Variants in VCAN observed in about 807,000 individuals in gnomAD.
VCAN encodes versican core protein.
VCAN carries 44 observed loss-of-function variants against 245.5 expected under a neutral mutation model. The observed-to-expected ratio is 0.18, with a 90% CI of 0.14 to 0.23. The LOEUF (loss-of-function observed/expected upper bound fraction) is 0.23, where lower values mean the gene tolerates loss of function less well. Among genes scored for constraint, VCAN ranks in the 10% least tolerant of loss-of-function variants. The pLI, the probability that VCAN is intolerant of heterozygous loss-of-function variation, is 1.00. For missense variants in VCAN, 3,793 were observed against 4,057.9 expected (o/e 0.93, Z 1.77); for synonymous variants, 1,413 against 1,437.0 (o/e 0.98, Z 0.38).
At chr5:83,536,882 CTTA>C in intron 7 of VCAN, 122 bp from the exon 8 acceptor site, 1 of 771,088 alleles carries the variant, frequency 1.3e-6, no homozygotes, top group Non-Finnish European at 2.0e-6. Flanking sequence ...GGTGATTGCA[CTTA>C]TTATGAAAAG....
chr5:83,561,379 A>C (rs937326633), intron 12 of VCAN, among the ~76,000 whole-genome samples: 1 of 152,174 alleles, frequency 6.6e-6, no homozygotes, highest in Non-Finnish European at 1.5e-5. Context: ...CTAAAAAAAA[A>C]ACTAATTGAT....
intron 6 of VCAN, chr5:83,512,676 T>C (rs1745705807): frequency 6.3e-6 from 2 of 316,166 alleles, no homozygotes; most frequent in Admixed American, 9.2e-5. Context: ...TTTTTCTAAG[T>C]ATTTTATATT....
In VCAN at chr5:83,538,207, C is replaced by G. The variant is rs867077629; in HGVS notation, c.5204C>G (p.Ala1735Gly). The stretch of plus-strand genomic sequence containing the variant: ...GAGGAGGAGGGAACTACAGGTACGG[C>G]TTCTACATTTGAGGTATATTCATCT... ...RKEEEGTTGT[A>G]STFEVYSSTQ... is the part of the protein sequence containing the mutation. The change falls in exon 8 of 15, where the codon GCT becomes GGT. Residue 1735 changes from alanine (A) to glycine (G), a missense_variant. This residue lies in a region of VCAN where 3,182 missense variants were observed against 3,250.3 expected (regional missense o/e 0.98). Transcript: ENST00000265077. The G allele has an allele frequency of 4.4e-5, 71 of 1,613,362 alleles. No individual in the cohort carries two copies. In the Middle Eastern group the frequency reaches 4.1e-3, roughly 93 times the overall value.
intron 5 of VCAN, among the ~76,000 whole-genome samples, chr5:83,501,011 T>A (rs1016435136): frequency 2.0e-5 from 3 of 152,148 alleles, no homozygotes; most frequent in Non-Finnish European, 4.4e-5. Flanking sequence ...TCTTAATGAG[T>A]GTAAAGTAGT....
intron 6 of VCAN, among the ~76,000 whole-genome samples, 188 bp from the exon 7 acceptor site, chr5:83,519,161 A>G (rs1182364090): frequency 6.6e-6 from 1 of 152,220 alleles, no homozygotes; most frequent in Admixed American, 6.5e-5. Context: ...ATTTATGACT[A>G]TTAAGTGTTC....
intron 7 of VCAN, 101 bp downstream of exon 7, chr5:83,522,410 G>C: frequency 8.1e-7 from 1 of 1,239,038 alleles, no homozygotes; most frequent in East Asian, 2.4e-5. Context: ...GCTGCTATTA[G>C]AAGATAACTG....
At chr5:83,565,023 G>T (rs552097693) in intron 12 of VCAN, among the ~76,000 whole-genome samples, 12 of 152,282 alleles carry the variant, frequency 7.9e-5, no homozygotes, top group Admixed American at 6.5e-4. Flanking sequence ...TAGATAGAGA[G>T]AGAGAGTTGG....
At position 83,540,045 on chromosome 5, in the gene VCAN, C is replaced by G; in HGVS notation, c.7042C>G (p.Pro2348Ala). ...DTGAEGPTVA[P>A]LPFSTDIGHP... ...TGGAGCAGAAGGACCCACGGTGGCA[C>G]CTCTCCCTTTCTCCACGGACATCGG... is the stretch of plus-strand genomic sequence containing the variant. The change falls in exon 8 of 15, where the codon CCT becomes GCT. Residue 2348 changes from proline (P) to alanine (A), a missense_variant. By Grantham distance (27) the Pro-to-Ala change is conservative (BLOSUM62 -1). This residue lies in a region of VCAN where 3,182 missense variants were observed against 3,250.3 expected (regional missense o/e 0.98). Transcript: ENST00000265077. 6.2e-7 allele frequency: 1 copy of G among 1,614,014 alleles called. No individual in the cohort carries two copies. Among genetic ancestry groups the G allele is most frequent in the Non-Finnish European group, 8.5e-7 (1 of 1,179,982 alleles).
intron 2 of VCAN, among the ~76,000 whole-genome samples, chr5:83,487,979 G>T (rs969869129): frequency 1.3e-5 from 2 of 152,118 alleles, no homozygotes; most frequent in Non-Finnish European, 2.9e-5. Flanking sequence ...ATTCATACCA[G>T]AATTAAAGTT....
At chr5:83,474,422 C>CT (rs1383675639) in intron 1 of VCAN, among the ~76,000 whole-genome samples, 1 of 152,202 alleles carries the variant, frequency 6.6e-6, no homozygotes, top group Admixed American at 6.5e-5. Flanking sequence ...ACAAATGTGA[C>CT]TGCAGAGGCG....
intron 8 of VCAN, among the ~76,000 whole-genome samples, chr5:83,544,137 A>G (rs1206018006): frequency 2.0e-5 from 3 of 152,248 alleles, no homozygotes; most frequent in African/African-American, 4.8e-5. Flanking sequence ...GCATGTGGCT[A>G]TGGCGTGTGT....
chr5:83,495,162 C>G (rs1745117525), intron 5 of VCAN, among the ~76,000 whole-genome samples: 1 of 152,054 alleles, frequency 6.6e-6, no homozygotes, highest in African/African-American at 2.4e-5. Flanking sequence ...TCTGAATTTT[C>G]TTATGTTTAA....
At position 83,538,356 on chromosome 5, in the gene VCAN, G is replaced by A. The variant is rs1746813100; in HGVS notation, c.5353G>A (p.Glu1785Lys). ...SLTTPTQSER[E>K]MTDSTPVFTE... Reference sequence around the variant, plus strand: ...GACAACACCAACACAGTCTGAAAGGGAAATGACAGATTCTACTCCTGTCTT... The same window carrying A: ...GACAACACCAACACAGTCTGAAAGGAAAATGACAGATTCTACTCCTGTCTT... The change falls in exon 8 of 15, where the codon GAA becomes AAA. Residue 1785 changes from glutamate to lysine, a missense_variant. Glu to Lys is a moderately conservative substitution (Grantham distance 56). Coordinates refer to ENST00000265077, the MANE Select transcript of VCAN (RefSeq NM_004385.5). 6.2e-7 allele frequency: 1 copy of A among 1,613,866 alleles called. No homozygotes were observed. Among genetic ancestry groups the A allele is most frequent in the African/African-American group, 1.3e-5 (1 of 74,884 alleles).
In VCAN at chr5:83,512,297, T is replaced by G. The variant is rs771182234; in HGVS notation, c.943T>G (p.Cys315Gly). The change falls in exon 6 of 15, where the codon TGT (cysteine) becomes GGT (glycine). Residue 315 changes from cysteine (C) to glycine (G), a missense_variant. This residue lies in a region of VCAN where 190 missense variants were observed against 288.6 expected (regional missense o/e 0.66). Coordinates refer to ENST00000265077, the MANE Select transcript of VCAN (RefSeq NM_004385.5). ...RHPVTVARAQ[C>G]GGGLLGVRTL... The stretch of plus-strand genomic sequence containing the variant: ...CCCTGTGACTGTGGCCAGGGCCCAG[T>G]GTGGAGGTGGTCTACTTGGGGTGAG... The G allele has an allele frequency of 6.2e-7, 1 of 1,614,004 alleles. No individual in the cohort carries two copies.
chr5:83,473,473 T>C (rs1744270745), intron 1 of VCAN, among the ~76,000 whole-genome samples: 2 of 152,168 alleles, frequency 1.3e-5, no homozygotes, highest in African/African-American at 4.8e-5. Flanking sequence ...TGTCTCCCTC[T>C]GTCTCCATCT....
In VCAN at chr5:83,521,782, CCCACATTA is replaced by C. The variant is rs1746113135; in HGVS notation, c.3479_3486del (p.His1160ProfsTer9). 2 of 1,614,084 alleles carry C rather than the reference CCCACATTA, an allele frequency of 1.2e-6. No individual in the cohort carries two copies. The highest frequency in any genetic ancestry group is 1.7e-6 in the Non-Finnish European group (2 of 1,180,010). On this transcript the variant is annotated frameshift_variant, in exon 7 of 15. Transcript: ENST00000265077. LOFTEE classifies it high-confidence loss of function. ...ACATCATCTTTGAGTCCTTTTAGTACCCACATTACCCAGCTTATGGAAGAAACCACTAC... is the reference window on the plus strand; with the variant it reads ...ACATCATCTTTGAGTCCTTTTAGTACCCCAGCTTATGGAAGAAACCACTAC...
At chr5:83,506,082 C>T (rs1420016993) in intron 5 of VCAN, among the ~76,000 whole-genome samples, 1 of 152,182 alleles carries the variant, frequency 6.6e-6, no homozygotes, top group East Asian at 1.9e-4. Context: ...GGCCTCCAGG[C>T]CTATGATGGG....
chr5:83,497,100 T>C (rs1745181045), intron 5 of VCAN, among the ~76,000 whole-genome samples: 1 of 152,178 alleles, frequency 6.6e-6, no homozygotes, highest in Non-Finnish European at 1.5e-5. Context: ...AACACACACA[T>C]AGGAGTTATG....
At chr5:83,499,247 C>G (rs916971683) in intron 5 of VCAN, among the ~76,000 whole-genome samples, 1 of 152,016 alleles carries the variant, frequency 6.6e-6, no homozygotes, top group Admixed American at 6.6e-5. Context: ...TTTCTGGTTT[C>G]TTTGTGTTCA....
Sources: gnomAD v4.1 joint callset for allele counts (sites outside exome capture counted in the v4.1 genomes callset) on GRCh38, gnomAD v4.1.1 for gene constraint, gnomAD v4.1.1 regional missense constraint, MANE v1.5 for transcripts, NCBI Gene and HGNC (gene_info 2026-07-23, HGNC 2026-07-21) for gene names.